The following CLEC4C variants were observed in gnomAD, a reference collection of about 807,000 sequenced individuals.
The protein encoded by CLEC4C is C-type (calcium dependent, carbohydrate-recognition domain) lectin, superfamily member 11.
CLEC4C carries 17 observed loss-of-function variants against 27.7 expected under a neutral mutation model. That is an observed-to-expected ratio of 0.61 (90% CI 0.42 to 0.92). The LOEUF is 0.92. CLEC4C is among the 40% of genes least tolerant of loss of function. The pLI, the probability that CLEC4C is intolerant of heterozygous loss-of-function variation, is 0.00. For missense variants in CLEC4C, 244 were observed against 257.3 expected (o/e 0.95, Z 0.35); for synonymous variants, 80 against 80.8 (o/e 0.99, Z 0.06).
intron 2 of CLEC4C, among the ~76,000 whole-genome samples, chr12:7,744,148 G>T (rs1285230136): frequency 2.6e-5 from 4 of 152,188 alleles, no homozygotes; most frequent in Non-Finnish European, 5.9e-5. Context: ...CAACAGTGGG[G>T]ATTTCAAATT....
rs1049599097 is a variant in CLEC4C at position 7,747,320 on chromosome 12, C to T, written c.29G>A (p.Arg10Gln). Residue 10 changes from arginine to glutamine, a missense_variant and splice_region_variant, in exon 1 of 6, where the codon CGA becomes CAA. Transcript: ENST00000360345. ...GAACTGAGAAGATGAGTGCTTACCT[C>T]GGTCTTGAGGCTCTTCTTCAGGCAC... MVPEEEPQD[R>Q]EKGLWWFQLK... 8.1e-6 allele frequency: 13 copies of T among 1,613,968 alleles called. No homozygotes were observed. The highest frequency in any genetic ancestry group is 6.6e-5 in the South Asian group (6 of 91,090).
chr12:7,743,540 G>A (rs750669594), intron 2 of CLEC4C, among the ~76,000 whole-genome samples: 14 of 150,146 alleles, frequency 9.3e-5, no homozygotes, highest in African/African-American at 2.2e-4. Context: ...GCCCGCCACC[G>A]CGCCCGGCTA....
intron 4 of CLEC4C, among the ~76,000 whole-genome samples, chr12:7,733,440 T>G (rs1864645588): frequency 1.3e-5 from 2 of 151,280 alleles, no homozygotes; most frequent in Non-Finnish European, 1.5e-5. Flanking sequence ...ATTTTTGTAT[T>G]TTTAGTAGAG....
chr12:7,739,706 G>T (rs1331174969), intron 3 of CLEC4C, among the ~76,000 whole-genome samples: 2 of 151,596 alleles, frequency 1.3e-5, no homozygotes, highest in African/African-American at 2.4e-5. Context: ...TTTAGACAGG[G>T]TCTCACTTTG....
rs1477899847 is a variant in CLEC4C, at chr12:7,741,661, G to A, written c.125-130C>T. ...TCAGCACTTTAGGAGGCCGAGGTGG[G>A]AGGACCATTTGAGGTCGGGAGTTAG... is the stretch of plus-strand genomic sequence containing the variant. On this transcript the variant is annotated intron_variant, in intron 2 of 5. Transcript: ENST00000360345. 5.2e-6 allele frequency: 3 copies of A among 573,212 alleles called. No homozygotes were observed. In the African/African-American group the frequency reaches 5.5e-5, roughly 11 times the overall value. 35.5% of individuals were successfully genotyped at this position (573,212 alleles called of 1,614,324 possible). A position where few individuals can be genotyped will look rare whatever the true frequency, so the allele number is the denominator to read the frequency against.
chr12:7,739,089 T>C (rs955353576), intron 3 of CLEC4C, among the ~76,000 whole-genome samples: 15 of 151,990 alleles, frequency 9.9e-5, no homozygotes, highest in African/African-American at 3.1e-4. Context: ...CTCACAGTTT[T>C]TCCCTATAAG....
At chr12:7,747,536 C>A, upstream of CLEC4C, 1 of 420,400 alleles carries the variant, frequency 2.4e-6, no homozygotes, top group Non-Finnish European at 4.4e-6. Flanking sequence ...CTAAAGCTTT[C>A]AATTTAAAAC....
At chr12:7,744,100 A>C (rs1466239635) in intron 2 of CLEC4C, among the ~76,000 whole-genome samples, 2 of 152,164 alleles carry the variant, frequency 1.3e-5, no homozygotes, top group East Asian at 1.9e-4. Context: ...TGAGGGATCC[A>C]TCTGCATCAC....
At chr12:7,743,600 C>T (rs1319866403) in intron 2 of CLEC4C, among the ~76,000 whole-genome samples, 5 of 151,976 alleles carry the variant, frequency 3.3e-5, no homozygotes, top group South Asian at 2.1e-4. Context: ...ACCATGGTCT[C>T]GATCTCCTGA....
In CLEC4C at chr12:7,729,598, A is replaced by C; in HGVS notation, c.640T>G (p.Ter214GluextTer21). The change falls in exon 6 of 6, where the codon TAA (stop) becomes GAA (glutamate). Residue 214 changes from the stop codon to glutamate (E), a stop_lost. Transcript: ENST00000360345. ...SICKMKKIYI[*>E] ...CATTTCCAGGGAGAATATTTCATTT[A>C]TATGTAGATCTTCTTCATCTTGCAA... The C allele has an allele frequency of 1.2e-6, 2 of 1,613,102 alleles. No homozygotes were observed. Among genetic ancestry groups the C allele is most frequent in the Non-Finnish European group, 1.7e-6 (2 of 1,179,440 alleles).
At chr12:7,737,018 G>A (rs1412514336) in intron 4 of CLEC4C, among the ~76,000 whole-genome samples, 1 of 152,132 alleles carries the variant, frequency 6.6e-6, no homozygotes, top group Non-Finnish European at 1.5e-5. Context: ...ATCATTTGAG[G>A]TCAGTAGTTC....
At chr12:7,740,053 C>T (rs756865373) in intron 3 of CLEC4C, among the ~76,000 whole-genome samples, 72 of 151,932 alleles carry the variant, frequency 4.7e-4, no homozygotes, top group African/African-American at 1.6e-3. Context: ...AGGCTGGTGT[C>T]GAACTCCTGA....
chr12:7,734,471 G>A (rs1218824785), intron 4 of CLEC4C, among the ~76,000 whole-genome samples: 3 of 151,956 alleles, frequency 2.0e-5, no homozygotes, highest in Admixed American at 2.0e-4. Flanking sequence ...TTGCCATAAT[G>A]TACTGTAGGA....
At chr12:7,737,860 A>C (rs1864763916) in intron 3 of CLEC4C, among the ~76,000 whole-genome samples, 1 of 152,144 alleles carries the variant, frequency 6.6e-6, no homozygotes, top group Non-Finnish European at 1.5e-5. Flanking sequence ...GTACGAAAGC[A>C]ACCACTGGCA....
chr12:7,741,575 A>T (rs756067854), intron 2 of CLEC4C, 44 bp from the exon 3 acceptor site: 4 of 1,059,840 alleles, frequency 3.8e-6, no homozygotes, highest in African/African-American at 1.6e-5. Flanking sequence ...TTTTAAGTGG[A>T]TCTATGTTGT....
chr12:7,745,424 C>CCT (rs1842974105), intron 2 of CLEC4C, among the ~76,000 whole-genome samples: 1 of 48,180 alleles, frequency 2.1e-5, no homozygotes, highest in Non-Finnish European at 3.4e-5. Context: ...TCAGTCTATG[C>CCT]TTTTTTTTTT....
chr12:7,740,260 G>C (rs1864822911), intron 3 of CLEC4C, among the ~76,000 whole-genome samples: 1 of 152,138 alleles, frequency 6.6e-6, no homozygotes, highest in South Asian at 2.1e-4. Flanking sequence ...TTACAGATGT[G>C]AGCCACTATG....
At chr12:7,742,514 A>C (rs1304944886) in intron 2 of CLEC4C, among the ~76,000 whole-genome samples, 1 of 93,130 alleles carries the variant, frequency 1.1e-5, no homozygotes, top group Non-Finnish European at 2.8e-5. Flanking sequence ...TTGTCTCGAA[A>C]AAAAAAAAAA....
chr12:7,731,844 C>T (rs148377981), intron 4 of CLEC4C, among the ~76,000 whole-genome samples: 211 of 152,256 alleles, frequency 1.4e-3, no homozygotes, highest in African/African-American at 4.6e-3. Flanking sequence ...ATCTCAACTA[C>T]TCGAGTGGCT....
Sources: allele counts gnomAD v4.1 joint callset (sites outside exome capture counted in the v4.1 genomes callset), GRCh38; gene constraint gnomAD v4.1.1; transcripts MANE v1.5; gene names NCBI Gene and HGNC (gene_info 2026-07-23, HGNC 2026-07-21).